TAFA5: variants seen among roughly 807,000 people sequenced by gnomAD.
TAFA5 encodes chemokine-like protein TAFA-5.
Under a neutral mutation model 15.3 loss-of-function variants are expected in TAFA5, and 6 were observed. That is an observed-to-expected ratio of 0.39 (90% confidence interval 0.21 to 0.77). The LOEUF is 0.77. TAFA5 is among the 30% of genes least tolerant of loss of function. The pLI, the probability that TAFA5 is intolerant of heterozygous loss-of-function variation, is 0.41. For missense variants in TAFA5, 161 were observed against 193.1 expected, an observed-to-expected ratio of 0.83 and a Z score of 0.98; for synonymous variants, 103 against 80.7, an observed-to-expected ratio of 1.28 and a Z score of -1.48.
At chr22:48,555,170 G>A (rs1042670571) in intron 1 of TAFA5, among the ~76,000 whole-genome samples, 5 of 152,214 alleles carry the variant, frequency 3.3e-5, no homozygotes, top group Admixed American at 6.5e-5. Flanking sequence ...CAGGGGCTCC[G>A]TGGATGCCGA....
chr22:48,667,835 G>A lies in TAFA5; in HGVS notation c.262+21089G>A, dbSNP rs1274837151. ...GGGAGCGTTAATCCCCCAGCACTCAGGGCCGCGTCTTCACTGGGAGCTGTA... is the reference window on the plus strand; with the variant it reads ...GGGAGCGTTAATCCCCCAGCACTCAAGGCCGCGTCTTCACTGGGAGCTGTA... On this transcript the variant is annotated intron_variant, in intron 2 of 3. Transcript: ENST00000402357. Among the ~76,000 whole-genome samples, 15 of 18,312 alleles carry A rather than the reference G, an allele frequency of 8.2e-4. 2 individuals carry two copies. Among genetic ancestry groups the A allele is most frequent in the Middle Eastern group, 0.019 (1 of 54 alleles). The allele number at this position is 18,312 out of a possible 152,430, so 12.0% of individuals were successfully genotyped here.
At chr22:48,634,147 T>A (rs372818537) in intron 1 of TAFA5, among the ~76,000 whole-genome samples, 5 of 114,110 alleles carry the variant, frequency 4.4e-5, no homozygotes, top group Non-Finnish European at 7.7e-5. Flanking sequence ...CTCACTCATT[T>A]ATTCACTCAC....
intron 2 of TAFA5, among the ~76,000 whole-genome samples, chr22:48,691,931 G>A (rs976778931): frequency 2.6e-5 from 4 of 152,168 alleles, no homozygotes; most frequent in Admixed American, 2.6e-4. Context: ...GCCCCCCTTG[G>A]ATGGACTGAG....
intron 1 of TAFA5, among the ~76,000 whole-genome samples, chr22:48,583,984 A>G (rs1158514260): frequency 6.9e-6 from 1 of 144,930 alleles, no homozygotes. Flanking sequence ...CACACACCAT[A>G]TACACCTACC....
intron 1 of TAFA5, among the ~76,000 whole-genome samples, chr22:48,551,774 C>T (rs1922864863): frequency 6.6e-6 from 1 of 152,144 alleles, no homozygotes; most frequent in Non-Finnish European, 1.5e-5. Flanking sequence ...TCTCTCGCCT[C>T]CCCAAAGACC....
chr22:48,734,654 A>G (rs888514856), intron 3 of TAFA5, among the ~76,000 whole-genome samples: 5 of 152,262 alleles, frequency 3.3e-5, no homozygotes, highest in African/African-American at 1.2e-4. Flanking sequence ...GTCCCAGCAC[A>G]TAAGTAAATG....
chr22:48,639,080 AT>A (rs1926581222), intron 1 of TAFA5, among the ~76,000 whole-genome samples: 1 of 152,184 alleles, frequency 6.6e-6, no homozygotes, highest in Non-Finnish European at 1.5e-5. Flanking sequence ...CAGCTCAGAG[AT>A]GGTGCCCATG....
chr22:48,521,995 C>T (rs1921617614), intron 1 of TAFA5, among the ~76,000 whole-genome samples: 1 of 152,232 alleles, frequency 6.6e-6, no homozygotes, highest in South Asian at 2.1e-4. Flanking sequence ...AGTGCCCACC[C>T]TCCGGATGGG....
chr22:48,706,870 C>A (rs971886827), intron 2 of TAFA5, among the ~76,000 whole-genome samples: 3 of 152,240 alleles, frequency 2.0e-5, no homozygotes, highest in African/African-American at 7.2e-5. Flanking sequence ...GCCATGAAGT[C>A]CTTCTCGTGC....
Position 48,522,241 on chromosome 22 carries a change from C to G in TAFA5, c.112+32537C>G, listed in dbSNP as rs74664231. On this transcript the variant is annotated intron_variant, in intron 1 of 3. Coordinates refer to ENST00000402357, the MANE Select transcript of TAFA5 (RefSeq NM_001082967.3). ...TGTCCCCTGCGTCTACCTGTGGTCTCGGTGGCAGAGCCTGTGGCAGTTCTG... is the reference window on the plus strand; with the variant it reads ...TGTCCCCTGCGTCTACCTGTGGTCTGGGTGGCAGAGCCTGTGGCAGTTCTG... Among the ~76,000 whole-genome samples the G allele has an allele frequency of 0.018, 2,790 of 152,082 alleles. 134 individuals are homozygous for G. In the East Asian group the frequency reaches 0.19, roughly 10 times the overall value.
At position 48,707,836 on chromosome 22, in the gene TAFA5, A is replaced by G. The variant is rs1300438021; in HGVS notation, c.382A>G (p.Thr128Ala). The G allele has an allele frequency of 6.2e-7, 1 of 1,613,178 alleles. No individual in the cohort carries two copies. The highest frequency in any genetic ancestry group is 8.5e-7 in the Non-Finnish European group (1 of 1,179,720). The change falls in exon 3 of 4, where the codon ACC becomes GCC. Residue 128 changes from threonine (T) to alanine (A), a missense_variant. By Grantham distance (58) the Thr-to-Ala change is moderately conservative. Transcript: ENST00000402357. ...CACGCAGCCCGGCGGGAGGATAAAG[A>G]CCACCACGGTATGTGGCCCTCGGCT... Reference protein sequence around the residue: ...TCTQPGGRIKTTTVS With the variant: ...TCTQPGGRIKATTVS
chr22:48,734,093 G>T (rs1284051989), intron 3 of TAFA5, among the ~76,000 whole-genome samples: 1 of 152,190 alleles, frequency 6.6e-6, no homozygotes, highest in Non-Finnish European at 1.5e-5. Context: ...AAGCACATGT[G>T]TTTCAAACTA....
intron 1 of TAFA5, among the ~76,000 whole-genome samples, chr22:48,561,350 T>C (rs988955224): frequency 6.6e-6 from 1 of 152,146 alleles, no homozygotes; most frequent in African/African-American, 2.4e-5. Flanking sequence ...TTTGCAGGTT[T>C]GTGAATTCCT....
At position 48,558,024 on chromosome 22, in the gene TAFA5, A is replaced by T. The variant is rs561310418; in HGVS notation, c.112+68320A>T. Reference sequence around the variant, plus strand: ...GGCAGAGGCCCCAGTCTGAGGGGGGAGTGGTCTTGTTTCCCTCCCCTGTCT... The same window carrying T: ...GGCAGAGGCCCCAGTCTGAGGGGGGTGTGGTCTTGTTTCCCTCCCCTGTCT... On this transcript the variant is annotated intron_variant, in intron 1 of 3. Transcript: ENST00000402357. Among the ~76,000 whole-genome samples the T allele has an allele frequency of 2.0e-5, 3 of 151,962 alleles. No individual in the cohort carries two copies. The East Asian group carries it at 5.8e-4, about 29-fold the overall frequency.
chr22:48,734,873 C>G (rs1221411397), intron 3 of TAFA5, among the ~76,000 whole-genome samples: 1 of 152,122 alleles, frequency 6.6e-6, no homozygotes, highest in Non-Finnish European at 1.5e-5. Flanking sequence ...TGGACTCTTA[C>G]CTCACACCAT....
At chr22:48,704,947 G>C (rs1162414167) in intron 2 of TAFA5, among the ~76,000 whole-genome samples, 1 of 152,054 alleles carries the variant, frequency 6.6e-6, no homozygotes, top group African/African-American at 2.4e-5. Context: ...TGTGTCCTGA[G>C]ATGGTGCAGG....
At chr22:48,575,294 C>G (rs558143860) in intron 1 of TAFA5, among the ~76,000 whole-genome samples, 8 of 151,602 alleles carry the variant, frequency 5.3e-5, no homozygotes, top group African/African-American at 1.7e-4. Flanking sequence ...CCACCTGACC[C>G]GCCGGCGCGC....
chr22:48,720,580 A>G (rs374054829), intron 3 of TAFA5, among the ~76,000 whole-genome samples: 18 of 152,162 alleles, frequency 1.2e-4, no homozygotes, highest in African/African-American at 4.3e-4. Flanking sequence ...TAGCCAGGAC[A>G]GAGGGGTCCT....
intron 1 of TAFA5, among the ~76,000 whole-genome samples, chr22:48,612,827 C>T (rs1925460597): frequency 6.6e-6 from 1 of 152,214 alleles, no homozygotes; most frequent in Non-Finnish European, 1.5e-5. Flanking sequence ...CTTCTGTGCA[C>T]AGCAGGGTCC....
Sources: gnomAD v4.1 joint callset for allele counts (sites outside exome capture counted in the v4.1 genomes callset) on GRCh38, gnomAD v4.1.1 for gene constraint, MANE v1.5 for transcripts, NCBI Gene and HGNC (gene_info 2026-07-23, HGNC 2026-07-21) for gene names.